Variants in ANO2 observed in about 807,000 individuals in gnomAD.
The protein encoded by ANO2 is anoctamin-2.
Under a neutral mutation model 124.2 loss-of-function variants are expected in ANO2, and 101 were observed. The observed-to-expected ratio is 0.81, with a 90% CI of 0.69 to 0.96. ANO2 has a LOEUF of 0.96. ANO2 is among the 40% of genes least tolerant of loss of function. The pLI, the probability that ANO2 is intolerant of heterozygous loss-of-function variation, is 0.00. For synonymous variants in ANO2, 486 were observed against 482.5 expected, an observed-to-expected ratio of 1.01 and a Z score of -0.09; for missense variants, 1,293 against 1,274.5, an observed-to-expected ratio of 1.01 and a Z score of -0.22.
chr12:5,602,807 T>C (rs999720242), intron 19 of ANO2, among the ~76,000 whole-genome samples: 5 of 152,080 alleles, frequency 3.3e-5, no homozygotes, highest in Non-Finnish European at 5.9e-5. Flanking sequence ...CTACAAATAA[T>C]TGGGAATCAA....
At position 5,563,508 on chromosome 12, in the gene ANO2, T is replaced by A. The variant is rs372300716; in HGVS notation, c.2788A>T (p.Ile930Phe). ...TTCTCTTTCTTGATCTGGTCGCTGATGTCCGTGGGGATGTCTGGAATCATC... is the reference window on the plus strand; with the variant it reads ...TTCTCTTTCTTGATCTGGTCGCTGAAGTCCGTGGGGATGTCTGGAATCATC... ...DWMIPDIPTDISDQIKKEKSL... is the reference protein window; with the variant it reads ...DWMIPDIPTDFSDQIKKEKSL... Residue 930 changes from isoleucine (I) to phenylalanine (F), a missense_variant, in exon 25 of 25, where the codon ATC becomes TTC. Transcript: ENST00000682330. 1.9e-6 allele frequency: 3 copies of A among 1,613,896 alleles called. No individual in the cohort carries two copies. In the African/African-American group the frequency reaches 4.0e-5, roughly 22 times the overall value.
At chr12:5,856,461 A>T (rs1955099752) in intron 3 of ANO2, 1 of 152,140 alleles carries the variant, frequency 6.6e-6, no homozygotes, top group South Asian at 2.1e-4. Flanking sequence ...TTCATTTTTA[A>T]CAAAGCACAT....
chr12:5,564,614 G>C (rs1941637565), intron 24 of ANO2: 1 of 152,172 alleles, frequency 6.6e-6, no homozygotes, highest in South Asian at 2.1e-4. Context: ...CTTGGGAGCT[G>C]CTTCACCAAG....
At chr12:5,801,677 C>A (rs1189943943) in intron 9 of ANO2, among the ~76,000 whole-genome samples, 1 of 152,232 alleles carries the variant, frequency 6.6e-6, no homozygotes, top group African/African-American at 2.4e-5. Context: ...CCTGAAAGGG[C>A]AAACTGTACC....
intron 1 of ANO2, among the ~76,000 whole-genome samples, chr12:5,924,975 G>C (rs1168048264): frequency 6.6e-6 from 1 of 152,138 alleles, no homozygotes. Context: ...TAAAAAAGGG[G>C]CTTCCTCCCT....
Position 5,854,118 on chromosome 12 carries a change from A to G in ANO2, c.558T>C (p.Phe186=). 5 of 1,613,286 alleles carry G rather than the reference A, an allele frequency of 3.1e-6. No individual in the cohort carries two copies. Among genetic ancestry groups the G allele is most frequent in the Middle Eastern group, 1.7e-4 (1 of 6,058 alleles). The part of the protein sequence containing the change: ...DLENKSQGSI[F]VRIHAPWQVL... ...CCTGCCACGGGGCGTGTATCCGGAC[A>G]AAGATGGATCCCTGGCTTTTATTCT... The change falls in exon 4 of 25, where the codon TTT becomes TTC. Residue 186 remains phenylalanine (F), a synonymous_variant. Coordinates refer to ENST00000682330, the MANE Select transcript of ANO2 (RefSeq NM_001364791.2).
At chr12:5,722,582 C>T (rs1041753480) in intron 14 of ANO2, among the ~76,000 whole-genome samples, 5 of 152,154 alleles carry the variant, frequency 3.3e-5, no homozygotes, top group African/African-American at 4.8e-5. Flanking sequence ...TGGCGGTGTA[C>T]GGATGTCAAG....
chr12:5,754,456 T>C (rs1951521999), intron 10 of ANO2, among the ~76,000 whole-genome samples: 3 of 152,222 alleles, frequency 2.0e-5, no homozygotes, highest in South Asian at 4.1e-4. Context: ...CTCTCCTCTT[T>C]TCCTGTTTTT....
At chr12:5,802,912 G>C (rs556193665) in intron 9 of ANO2, among the ~76,000 whole-genome samples, 1 of 152,206 alleles carries the variant, frequency 6.6e-6, no homozygotes, top group African/African-American at 2.4e-5. Context: ...CCACCTGATG[G>C]ATCAGAGATA....
intron 6 of ANO2, among the ~76,000 whole-genome samples, chr12:5,829,898 G>A (rs1416132202): frequency 6.6e-6 from 1 of 152,126 alleles, no homozygotes; most frequent in Admixed American, 6.5e-5. Context: ...TCTATTGAAT[G>A]GGCTGGTGAT....
At chr12:5,563,878 C>T (rs1941596088) in intron 24 of ANO2, among the ~76,000 whole-genome samples, 1 of 152,230 alleles carries the variant, frequency 6.6e-6, no homozygotes, top group Admixed American at 6.5e-5. Context: ...CTTGTGCCCC[C>T]ACACCATCTT....
chr12:5,829,343 C>A (rs1309397707), intron 6 of ANO2, among the ~76,000 whole-genome samples: 1 of 152,104 alleles, frequency 6.6e-6, no homozygotes, highest in African/African-American at 2.4e-5. Flanking sequence ...GACGTTAATG[C>A]CTTTTTCCAT....
At position 5,635,599 on chromosome 12, in the gene ANO2, T is replaced by TCTCACACACACA. The variant is rs71445659; in HGVS notation, c.1621-253_1621-252insTGTGTGTGTGAG. 4.1e-5 allele frequency among the ~76,000 whole-genome samples: 6 copies of TCTCACACACACA among 146,794 alleles called. No homozygotes were observed. Among genetic ancestry groups the TCTCACACACACA allele is most frequent in the African/African-American group, 1.5e-4 (6 of 39,450 alleles). ...TTTTTGTCAGATTCCAAATGATTTA[T>TCTCACACACACA]CACACACACACACACACACACACAC... On this transcript the variant is annotated intron_variant, in intron 15 of 24. Coordinates refer to ENST00000682330, the MANE Select transcript of ANO2 (RefSeq NM_001364791.2). This position sits in a 1 kb window ranked among gnomAD's most constrained non-coding sequence, Gnocchi z 5.2.
At chr12:5,811,909 T>C (rs894910774) in intron 7 of ANO2, among the ~76,000 whole-genome samples, 2 of 152,112 alleles carry the variant, frequency 1.3e-5, no homozygotes, top group Non-Finnish European at 2.9e-5. Flanking sequence ...AAAGGTTGAG[T>C]TGTTTCTCTT....
At chr12:5,776,553 T>A (rs1301435152) in intron 10 of ANO2, among the ~76,000 whole-genome samples, 1 of 152,166 alleles carries the variant, frequency 6.6e-6, no homozygotes, top group East Asian at 1.9e-4. Flanking sequence ...TAATGGCAAG[T>A]GGAAGAATGC....
At chr12:5,797,470 A>G (rs1199340398) in intron 10 of ANO2, among the ~76,000 whole-genome samples, 1 of 152,084 alleles carries the variant, frequency 6.6e-6, no homozygotes. Flanking sequence ...TAAAATGAGG[A>G]GTTTGGTGTG....
At chr12:5,692,804 T>C (rs1949000252) in intron 14 of ANO2, among the ~76,000 whole-genome samples, 4 of 152,046 alleles carry the variant, frequency 2.6e-5, no homozygotes, top group Non-Finnish European at 5.9e-5. Flanking sequence ...AGGCAGACAG[T>C]GTGAGGGAAC....
At chr12:5,866,532 G>C (rs1041510367) in intron 3 of ANO2, among the ~76,000 whole-genome samples, 1 of 152,242 alleles carries the variant, frequency 6.6e-6, no homozygotes, top group Non-Finnish European at 1.5e-5. Flanking sequence ...CTCTGGGCTA[G>C]AGCCAGAGGG....
intron 3 of ANO2, among the ~76,000 whole-genome samples, chr12:5,916,132 C>T (rs920256590): frequency 1.3e-5 from 2 of 151,988 alleles, no homozygotes; most frequent in East Asian, 3.9e-4. Flanking sequence ...CAAAAATTAG[C>T]TGGGCATGGT....
Sources: gnomAD v4.1 joint callset for allele counts (sites outside exome capture counted in the v4.1 genomes callset) on GRCh38, gnomAD v4.1.1 for gene constraint, Gnocchi (gnomAD v3.1) non-coding constraint, MANE v1.5 for transcripts, NCBI Gene and HGNC (gene_info 2026-07-23, HGNC 2026-07-21) for gene names.